The following TNNI3K variants were observed in gnomAD, a reference collection of about 807,000 sequenced individuals.
TNNI3K encodes serine/threonine-protein kinase TNNI3K.
A neutral mutation model predicts 114.5 loss-of-function variants in TNNI3K; 140 were observed. That is an observed-to-expected ratio of 1.22 (90% confidence interval 1.07 to 1.41). The LOEUF is 1.41. TNNI3K is among the 40% of genes most tolerant of loss of function. TNNI3K has a pLI of 0.00. For missense variants in TNNI3K, 1,125 were observed against 1,007.6 expected (o/e 1.12, Z -1.58); for synonymous variants, 347 against 347.5 (o/e 1.00, Z 0.02).
chr1:74,244,483 A>G (rs1038484066), intron 2 of TNNI3K, among the ~76,000 whole-genome samples: 1 of 152,030 alleles, frequency 6.6e-6, no homozygotes, highest in Non-Finnish European at 1.5e-5. Context: ...TAAATGATAA[A>G]CATTCATCTA....
In TNNI3K at chr1:74,236,167, C is replaced by T. The variant is rs147478946; in HGVS notation, c.106C>T (p.Gln36Ter). 12 of 1,607,488 alleles carry T rather than the reference C, an allele frequency of 7.5e-6. No homozygotes were observed. The African/African-American group carries it at 1.3e-4, about 18-fold the overall frequency. The change falls in exon 2 of 25, where the codon CAG (glutamine) becomes TAG (stop). Residue 36 changes from glutamine (Q) to a stop codon, truncating the protein, a stop_gained. Transcript: ENST00000326637. LOFTEE classifies it high-confidence loss of function. Reference protein sequence around the residue: ...ITIERLEDDLQIKEKELTELR... With the variant: ...ITIERLEDDL ...AATAGAAAGATTAGAAGATGACCTGCAGATCAAGGAAAAAGAACTGACAGA... is the reference window on the plus strand; with the variant it reads ...AATAGAAAGATTAGAAGATGACCTGTAGATCAAGGAAAAAGAACTGACAGA...
At chr1:74,420,884 A>C (rs1473128018) in intron 17 of TNNI3K, among the ~76,000 whole-genome samples, 3 of 152,044 alleles carry the variant, frequency 2.0e-5, no homozygotes, top group African/African-American at 7.2e-5. Flanking sequence ...CAGGAATTTT[A>C]ATTAGTTTTG....
At chr1:74,347,329 C>G (rs1449367699) in intron 9 of TNNI3K, among the ~76,000 whole-genome samples, 1 of 152,036 alleles carries the variant, frequency 6.6e-6, no homozygotes, top group Non-Finnish European at 1.5e-5. Flanking sequence ...AGGACATGAA[C>G]TCATCATTTT....
chr1:74,362,364 G>A lies in TNNI3K; in HGVS notation c.1178-4892G>A, dbSNP rs114222109. 2.6e-3 allele frequency among the ~76,000 whole-genome samples: 397 copies of A among 152,246 alleles called. 1 individual carries two copies. Among genetic ancestry groups the A allele is most frequent in the African/African-American group, 8.9e-3 (369 of 41,568 alleles). Reference sequence around the variant, plus strand: ...AGCATGTGAGACATGAGGTCAATGAGAATTCCTTCTGTAACTGAGACTAAA... The same window carrying A: ...AGCATGTGAGACATGAGGTCAATGAAAATTCCTTCTGTAACTGAGACTAAA... On this transcript the variant is annotated intron_variant, in intron 11 of 24. Transcript: ENST00000326637.
chr1:74,477,309 G>A (rs1668252274), intron 21 of TNNI3K, among the ~76,000 whole-genome samples: 1 of 151,722 alleles, frequency 6.6e-6, no homozygotes, highest in Non-Finnish European at 1.5e-5. Context: ...TCACAAATGA[G>A]GATAACTAAT....
rs138387620 is a variant in TNNI3K, at chr1:74,419,405, G to A, written c.1773-16675G>A. ...AAATAAGATAATATTCACAAAGTCT[G>A]GGAATTAGGAGGTGGTCTTATCTTT... On this transcript the variant is annotated intron_variant, in intron 17 of 24. Coordinates refer to ENST00000326637, the MANE Select transcript of TNNI3K (RefSeq NM_015978.3). 1.8e-3 allele frequency among the ~76,000 whole-genome samples: 267 copies of A among 152,168 alleles called. 1 individual carries two copies. The highest frequency in any genetic ancestry group is 6.2e-3 in the African/African-American group (259 of 41,554).
At chr1:74,297,419 AGAGAGAGCTT>A (rs1658054266) in intron 5 of TNNI3K, among the ~76,000 whole-genome samples, 1 of 152,084 alleles carries the variant, frequency 6.6e-6, no homozygotes, top group African/African-American at 2.4e-5. Flanking sequence ...AGAAGAGGTA[AGAGAGAGCTT>A]GCTTCTTCTC....
chr1:74,328,060 ATGTT>A (rs1660007866), intron 5 of TNNI3K, among the ~76,000 whole-genome samples: 1 of 152,110 alleles, frequency 6.6e-6, no homozygotes, highest in South Asian at 2.1e-4. Flanking sequence ...TTATCAATAA[ATGTT>A]TGATGAATTG....
intron 11 of TNNI3K, among the ~76,000 whole-genome samples, chr1:74,361,335 T>G (rs1393209754): frequency 6.6e-6 from 1 of 152,082 alleles, no homozygotes; most frequent in Non-Finnish European, 1.5e-5. Flanking sequence ...TGTTGTAAGA[T>G]TCACCATTAT....
At chr1:74,354,760 T>A (rs1661567325) in intron 11 of TNNI3K, among the ~76,000 whole-genome samples, 1 of 152,192 alleles carries the variant, frequency 6.6e-6, no homozygotes, top group Non-Finnish European at 1.5e-5. Flanking sequence ...GGATTATAAA[T>A]TCTACTTTAT....
intron 23 of TNNI3K, among the ~76,000 whole-genome samples, chr1:74,537,315 T>C (rs1183366395): frequency 6.6e-6 from 1 of 152,170 alleles, no homozygotes; most frequent in Non-Finnish European, 1.5e-5. Context: ...GAAAAATGTC[T>C]TGAGTGATAT....
chr1:74,497,590 G>GCA (rs1223126339), intron 23 of TNNI3K, among the ~76,000 whole-genome samples: 1 of 149,414 alleles, frequency 6.7e-6, no homozygotes, highest in African/African-American at 2.5e-5. Flanking sequence ...ACATACACAT[G>GCA]CACACACACA....
chr1:74,518,873 C>CTTTTTT (rs1646388103), intron 23 of TNNI3K, among the ~76,000 whole-genome samples: 91 of 100,298 alleles, frequency 9.1e-4, no homozygotes, highest in Non-Finnish European at 1.2e-3. Flanking sequence ...TTTTTTTTCC[C>CTTTTTT]CTTTTTTTTT....
intron 23 of TNNI3K, among the ~76,000 whole-genome samples, chr1:74,531,117 G>A (rs1646576878): frequency 6.6e-6 from 1 of 152,068 alleles, no homozygotes; most frequent in African/African-American, 2.4e-5. Flanking sequence ...TATAGCCTGG[G>A]GACATTTGCC....
intron 4 of TNNI3K, among the ~76,000 whole-genome samples, chr1:74,258,918 CA>C (rs1655498081): frequency 6.6e-6 from 1 of 152,118 alleles, no homozygotes; most frequent in Non-Finnish European, 1.5e-5. Context: ...TTTTAACAAA[CA>C]ACCTAGGAAT....
chr1:74,462,642 C>T (rs45521235), intron 20 of TNNI3K, among the ~76,000 whole-genome samples: 1 of 152,150 alleles, frequency 6.6e-6, no homozygotes, highest in African/African-American at 2.4e-5. Flanking sequence ...TAGTTATCTA[C>T]CATGATGCCT....
At chr1:74,326,753 C>T (rs556872654) in intron 5 of TNNI3K, among the ~76,000 whole-genome samples, 4 of 152,166 alleles carry the variant, frequency 2.6e-5, no homozygotes, top group Admixed American at 2.6e-4. Flanking sequence ...GAGAACTGAG[C>T]TTGGTCATGA....
intron 17 of TNNI3K, among the ~76,000 whole-genome samples, chr1:74,378,280 A>T (rs1663008078): frequency 2.0e-5 from 3 of 151,960 alleles, no homozygotes. Context: ...AAACTAAGCT[A>T]TATAATTTAT....
At chr1:74,536,165 A>G (rs532620199) in intron 23 of TNNI3K, among the ~76,000 whole-genome samples, 1 of 152,178 alleles carries the variant, frequency 6.6e-6, no homozygotes, top group South Asian at 2.1e-4. Context: ...ATTTGCATAT[A>G]TTATCTTCTA....
Sources: gnomAD v4.1 joint callset for allele counts (sites outside exome capture counted in the v4.1 genomes callset) on GRCh38, gnomAD v4.1.1 for gene constraint, MANE v1.5 for transcripts, NCBI Gene and HGNC (gene_info 2026-07-23, HGNC 2026-07-21) for gene names.